The following RBFOX3 variants were observed in gnomAD, a reference collection of about 807,000 sequenced individuals.
RBFOX3 encodes RNA binding fox-1 homolog 3.
Under a neutral mutation model 48.7 loss-of-function variants are expected in RBFOX3, and 17 were observed. The ratio of observed to expected loss-of-function variants is 0.35; its 90% CI spans 0.24 to 0.52. The LOEUF is 0.52. RBFOX3 is among the 20% of genes least tolerant of loss of function. The probability of loss-of-function intolerance (pLI) is 0.94; values close to 1 mark genes in which losing one functional copy is unlikely to be tolerated. For synonymous variants in RBFOX3, 212 were observed against 209.5 expected (o/e 1.01, Z -0.10); for missense variants, 382 against 497.5 (o/e 0.77, Z 2.21).
chr17:79,442,497 T>C (rs1272523396), intron 2 of RBFOX3, among the ~76,000 whole-genome samples: 2 of 151,402 alleles, frequency 1.3e-5, no homozygotes, highest in Admixed American at 6.6e-5. Context: ...CCCCTTGTGG[T>C]GAGAGGCGTA....
upstream of RBFOX3, among the ~76,000 whole-genome samples, chr17:79,612,437 G>T (rs1420291640): frequency 1.3e-5 from 2 of 152,106 alleles, no homozygotes; most frequent in Non-Finnish European, 2.9e-5. Context: ...GTATGGATTT[G>T]GAGCTTCTCG....
chr17:79,333,975 T>C (rs780581169), intron 2 of RBFOX3, among the ~76,000 whole-genome samples: 2 of 152,176 alleles, frequency 1.3e-5, no homozygotes, highest in Non-Finnish European at 2.9e-5. Context: ...AATCTGCCCA[T>C]GTCCCCACCC....
At chr17:79,138,495 A>C (rs2040805347) in intron 4 of RBFOX3, among the ~76,000 whole-genome samples, 1 of 152,058 alleles carries the variant, frequency 6.6e-6, no homozygotes, top group Non-Finnish European at 1.5e-5. Context: ...TGTCCAGGTA[A>C]TACGTACAGC....
At chr17:79,611,258 C>CGCGGCGGCGGCGCGG (rs1790335036), upstream of RBFOX3, among the ~76,000 whole-genome samples, 1 of 149,500 alleles carries the variant, frequency 6.7e-6, no homozygotes, top group South Asian at 2.1e-4. Flanking sequence ...AGCAGGAGCA[C>CGCGGCGGCGGCGCGG]GCGGCGGCGG....
At chr17:79,541,388 G>A (rs2089672188) in intron 1 of RBFOX3, among the ~76,000 whole-genome samples, 1 of 152,182 alleles carries the variant, frequency 6.6e-6, no homozygotes, top group Non-Finnish European at 1.5e-5. Flanking sequence ...TGGAAGAGGA[G>A]CTGAAGGACA....
intron 2 of RBFOX3, among the ~76,000 whole-genome samples, chr17:79,448,624 C>T (rs2072841958): frequency 6.6e-6 from 1 of 152,184 alleles, no homozygotes; most frequent in African/African-American, 2.4e-5. Flanking sequence ...TGATTTCAGG[C>T]TTGTGGCCTC....
rs2062575828 is a variant in RBFOX3 at position 79,242,773 on chromosome 17, A to G, written c.-73-6968T>C. On this transcript the variant is annotated intron_variant, in intron 3 of 14. Transcript: ENST00000693108. This position sits in a 1 kb window ranked among gnomAD's most constrained non-coding sequence, Gnocchi z 5.8. ...GGCCACCCCCTTACTGGGCCTCCACAGGGCAGCAGGGCAGGGCTTAGGGGT... is the reference window on the plus strand; with the variant it reads ...GGCCACCCCCTTACTGGGCCTCCACGGGGCAGCAGGGCAGGGCTTAGGGGT... Among the ~76,000 whole-genome samples the G allele has an allele frequency of 2.0e-5, 3 of 152,268 alleles. No homozygotes were observed. In the South Asian group the frequency reaches 6.2e-4, roughly 32 times the overall value.
At chr17:79,618,604 C>T in the RBFOX3 span, among the ~76,000 whole-genome samples, 3 of 152,096 alleles carry the variant, frequency 2.0e-5, no homozygotes, top group Admixed American at 6.6e-5. Context: ...AAAGGAGAGG[C>T]GGGCTGCATA....
intron 4 of RBFOX3, among the ~76,000 whole-genome samples, chr17:79,225,076 C>T (rs1235943460): frequency 2.0e-5 from 3 of 152,170 alleles, no homozygotes; most frequent in Non-Finnish European, 4.4e-5. Flanking sequence ...GCCCTTTGAC[C>T]ATTCACACAC....
At chr17:79,318,854 C>CAAAAAAAAAGAA (rs2077949228) in intron 2 of RBFOX3, among the ~76,000 whole-genome samples, 1 of 32,524 alleles carries the variant, frequency 3.1e-5, no homozygotes, top group Non-Finnish European at 5.1e-5. Context: ...GACTCCATCT[C>CAAAAAAAAAGAA]AAAAAAAAAA....
At position 79,164,662 on chromosome 17, in the gene RBFOX3, G is replaced by A. The variant is rs1037035883; in HGVS notation, c.-33-48914C>T. On this transcript the variant is annotated intron_variant, in intron 4 of 14. Coordinates refer to ENST00000693108, the MANE Select transcript of RBFOX3 (RefSeq NM_001350451.2). ...TGCACGCATTCCTCGGTTCATGGAG[G>A]TGAGCCCTTCTCTTGGTGAGGGCAG... Among the ~76,000 whole-genome samples the A allele has an allele frequency of 4.6e-5, 7 of 152,228 alleles. No homozygotes were observed. In the South Asian group the frequency reaches 6.2e-4, roughly 14 times the overall value.
chr17:79,262,537 T>C (rs1242205507), intron 3 of RBFOX3, among the ~76,000 whole-genome samples: 2 of 152,266 alleles, frequency 1.3e-5, no homozygotes, highest in African/African-American at 2.4e-5. Context: ...ATTAGATCAG[T>C]GCTGCTGTCT....
At chr17:79,486,148 G>A (rs1456725547) in intron 1 of RBFOX3, among the ~76,000 whole-genome samples, 6 of 152,188 alleles carry the variant, frequency 3.9e-5, no homozygotes, top group Non-Finnish European at 8.8e-5. Flanking sequence ...TACCCTTGAC[G>A]GCTCTCTAGG....
intron 2 of RBFOX3, among the ~76,000 whole-genome samples, chr17:79,342,856 C>T (rs2082311686): frequency 6.6e-6 from 1 of 152,202 alleles, no homozygotes; most frequent in Admixed American, 6.5e-5. Flanking sequence ...CGGGGCTTGT[C>T]ACAGTATTTC....
At chr17:79,639,379 T>G in the RBFOX3 span, among the ~76,000 whole-genome samples, 1 of 152,138 alleles carries the variant, frequency 6.6e-6, no homozygotes, top group African/African-American at 2.4e-5. Context: ...GGTTTCACTG[T>G]GTTAGCCAGG....
chr17:79,316,939 G>A (rs908094422), intron 2 of RBFOX3, among the ~76,000 whole-genome samples: 3 of 152,356 alleles, frequency 2.0e-5, no homozygotes, highest in East Asian at 1.9e-4. Flanking sequence ...ACACACAGGT[G>A]CACATATGCC....
chr17:79,141,444 T>C (rs1412495815), intron 4 of RBFOX3, among the ~76,000 whole-genome samples: 1 of 152,190 alleles, frequency 6.6e-6, no homozygotes, highest in Non-Finnish European at 1.5e-5. Flanking sequence ...CATCTGATTC[T>C]GAAATCTCAG....
chr17:79,428,826 G>A (rs1555726942), intron 2 of RBFOX3, among the ~76,000 whole-genome samples: 3 of 152,232 alleles, frequency 2.0e-5, no homozygotes, highest in African/African-American at 7.2e-5. Context: ...GTAACCATCG[G>A]TCTAATTTCT....
chr17:79,655,369 C>CCA, the RBFOX3 span, among the ~76,000 whole-genome samples: 1 of 152,188 alleles, frequency 6.6e-6, no homozygotes, highest in South Asian at 2.1e-4. Flanking sequence ...TCCCACCCCC[C>CCA]AGAGCCATCT....
Sources: allele counts gnomAD v4.1 joint callset (sites outside exome capture counted in the v4.1 genomes callset), GRCh38; gene constraint gnomAD v4.1.1; non-coding constraint Gnocchi (gnomAD v3.1); transcripts MANE v1.5; gene names NCBI Gene and HGNC (gene_info 2026-07-23, HGNC 2026-07-21).